Variants in PITPNC1 observed in about 807,000 individuals in gnomAD.
PITPNC1 encodes cytoplasmic phosphatidylinositol transfer protein 1.
PITPNC1 carries 18 observed loss-of-function variants against 44.7 expected under a neutral mutation model. The ratio of observed to expected loss-of-function variants is 0.40; its 90% confidence interval spans 0.28 to 0.60. The LOEUF (loss-of-function observed/expected upper bound fraction) is 0.60. PITPNC1 is among the 20% of genes least tolerant of loss of function. PITPNC1 has a pLI of 0.39. For synonymous variants in PITPNC1, 141 were observed against 149.6 expected, an observed-to-expected ratio of 0.94 and a Z score of 0.42; for missense variants, 290 against 418.4, an observed-to-expected ratio of 0.69 and a Z score of 2.68.
At chr17:67,409,071 C>CTTTTTTTTTTTTTTT (rs1159310735) in intron 1 of PITPNC1, among the ~76,000 whole-genome samples, 1 of 80,512 alleles carries the variant, frequency 1.2e-5, no homozygotes, top group Non-Finnish European at 2.2e-5. Context: ...CAAATTCATT[C>CTTTTTTTTTTTTTTT]TTTTTTTTTT....
At chr17:67,580,806 T>C (rs2041220641) in intron 5 of PITPNC1, among the ~76,000 whole-genome samples, 2 of 152,196 alleles carry the variant, frequency 1.3e-5, no homozygotes, top group Admixed American at 6.5e-5. Context: ...CCCAGCACTC[T>C]GGTAGGCTGT....
intron 5 of PITPNC1, 103 bp downstream of exon 5, chr17:67,578,360 C>T (rs2144231533): frequency 2.6e-6 from 2 of 769,596 alleles, no homozygotes; most frequent in Non-Finnish European, 2.3e-6. Context: ...GGGACCTGTG[C>T]CTGGGACCTC....
chr17:67,423,870 T>A (rs1265477426), intron 1 of PITPNC1, among the ~76,000 whole-genome samples: 1 of 152,030 alleles, frequency 6.6e-6, no homozygotes, highest in African/African-American at 2.4e-5. Context: ...CTGTCCTCAT[T>A]TGGATTCAGG....
chr17:67,654,318 C>T (rs1490863659), intron 6 of PITPNC1, among the ~76,000 whole-genome samples: 4 of 152,218 alleles, frequency 2.6e-5, no homozygotes, highest in Non-Finnish European at 5.9e-5. Context: ...CTTTCACTCA[C>T]ACAAGGAAAC....
At chr17:67,534,492 G>T (rs1236699941) in intron 2 of PITPNC1, among the ~76,000 whole-genome samples, 4 of 151,896 alleles carry the variant, frequency 2.6e-5, no homozygotes, top group African/African-American at 7.3e-5. Context: ...GCAAAAATTA[G>T]CTGGGCATGG....
intron 1 of PITPNC1, among the ~76,000 whole-genome samples, chr17:67,469,016 A>G (rs1188458798): frequency 6.6e-6 from 1 of 152,200 alleles, no homozygotes; most frequent in East Asian, 1.9e-4. Context: ...GGAGTCAGCC[A>G]CTGCGCCTGG....
intron 4 of PITPNC1, among the ~76,000 whole-genome samples, chr17:67,577,234 T>G (rs1207260886): frequency 6.6e-6 from 1 of 152,124 alleles, no homozygotes; most frequent in Non-Finnish European, 1.5e-5. Flanking sequence ...AAGGTTACAG[T>G]GAGCTGTGAC....
intron 1 of PITPNC1, among the ~76,000 whole-genome samples, chr17:67,424,108 T>C (rs940872972): frequency 3.4e-3 from 261 of 75,818 alleles, no homozygotes; most frequent in African/African-American, 0.013. Flanking sequence ...AAAAAAAAAA[T>C]AGAGTTGAGG....
chr17:67,542,389 G>A (rs1415356284), intron 2 of PITPNC1, among the ~76,000 whole-genome samples: 1 of 152,124 alleles, frequency 6.6e-6, no homozygotes, highest in African/African-American at 2.4e-5. Context: ...TCACAACGTA[G>A]AGCCACCTCA....
chr17:67,506,179 T>C (rs1022266903), intron 1 of PITPNC1, among the ~76,000 whole-genome samples: 9 of 152,292 alleles, frequency 5.9e-5, no homozygotes, highest in Non-Finnish European at 7.4e-5. Flanking sequence ...AAATCATATT[T>C]GTAACTGGCT....
chr17:67,512,022 C>G (rs2040190428), intron 1 of PITPNC1, among the ~76,000 whole-genome samples: 1 of 152,174 alleles, frequency 6.6e-6, no homozygotes, highest in Non-Finnish European at 1.5e-5. Context: ...TTTCGCATTG[C>G]TGTTCTCTGC....
chr17:67,568,741 C>T (rs767399188), intron 4 of PITPNC1, among the ~76,000 whole-genome samples: 4 of 152,106 alleles, frequency 2.6e-5, no homozygotes, highest in Non-Finnish European at 4.4e-5. Flanking sequence ...TTACTGAAAG[C>T]GAGGCATCGG....
chr17:67,489,879 T>C, intron 1 of PITPNC1, among the ~76,000 whole-genome samples: 1 of 151,950 alleles, frequency 6.6e-6, no homozygotes, highest in Non-Finnish European at 1.5e-5. Flanking sequence ...GAGTAGCTGG[T>C]ATTACAGGTG....
chr17:67,642,228 G>A (rs747427845), intron 6 of PITPNC1, among the ~76,000 whole-genome samples: 1 of 152,194 alleles, frequency 6.6e-6, no homozygotes, highest in Non-Finnish European at 1.5e-5. Flanking sequence ...TATTCTGCAG[G>A]TCGCAGAGAG....
chr17:67,507,238 G>A (rs971741570), intron 1 of PITPNC1, among the ~76,000 whole-genome samples: 8 of 152,178 alleles, frequency 5.3e-5, no homozygotes, highest in African/African-American at 1.9e-4. Context: ...AACAGAGCAG[G>A]CAAGCAGTCA....
chr17:67,557,868 T>C (rs1442369264), intron 4 of PITPNC1, among the ~76,000 whole-genome samples: 4 of 152,236 alleles, frequency 2.6e-5, no homozygotes, highest in African/African-American at 9.6e-5. Context: ...CTTGCTGTCT[T>C]TCCCAAGCTC....
intron 1 of PITPNC1, among the ~76,000 whole-genome samples, chr17:67,483,181 T>C (rs1227431136): frequency 1.3e-5 from 2 of 152,200 alleles, no homozygotes; most frequent in Non-Finnish European, 2.9e-5. Flanking sequence ...GCTGCAGAGA[T>C]CATGAGGGAC....
intron 1 of PITPNC1, among the ~76,000 whole-genome samples, chr17:67,488,672 A>G (rs1441998428): frequency 8.5e-5 from 13 of 152,134 alleles, no homozygotes; most frequent in Non-Finnish European, 7.3e-5. Context: ...CAGTATCACC[A>G]CTATCCATCT....
chr17:67,636,134 T>C (rs1173850814), intron 6 of PITPNC1, among the ~76,000 whole-genome samples: 1 of 152,006 alleles, frequency 6.6e-6, no homozygotes, highest in African/African-American at 2.4e-5. Flanking sequence ...TCGTTTCTTC[T>C]AAAAATTCAA....
Sources: allele counts gnomAD v4.1 joint callset (sites outside exome capture counted in the v4.1 genomes callset), GRCh38; gene constraint gnomAD v4.1.1; transcripts MANE v1.5; gene names NCBI Gene and HGNC (gene_info 2026-07-23, HGNC 2026-07-21).